CTNNA2: variants seen among roughly 807,000 people sequenced by gnomAD.
CTNNA2 encodes catenin alpha-2.
In CTNNA2, 42 loss-of-function variants were observed where a neutral mutation model predicts 101.0. The observed-to-expected ratio is 0.42, with a 90% CI of 0.32 to 0.54. The LOEUF is 0.54. Ranked by LOEUF, CTNNA2 falls within the 20% of genes least tolerant of loss-of-function variation. CTNNA2 has a pLI of 0.14. For synonymous variants in CTNNA2, 450 were observed against 456.4 expected, an observed-to-expected ratio of 0.99 and a Z score of 0.18; for missense variants, 871 against 1,223.1, an observed-to-expected ratio of 0.71 and a Z score of 4.29.
chr2:79,609,152 C>T (rs1156479340), intron 1 of CTNNA2, among the ~76,000 whole-genome samples: 1 of 151,634 alleles, frequency 6.6e-6, no homozygotes, highest in Non-Finnish European at 1.5e-5. Flanking sequence ...AATCTGTACA[C>T]CAAAAATTAT....
chr2:80,063,068 C>T (rs1046267743), intron 7 of CTNNA2, among the ~76,000 whole-genome samples: 1 of 152,222 alleles, frequency 6.6e-6, no homozygotes, highest in Admixed American at 6.5e-5. Context: ...TAAACTTCTT[C>T]AAGTAAGCTG....
intron 7 of CTNNA2, among the ~76,000 whole-genome samples, chr2:80,153,280 A>G (rs553531652): frequency 4.6e-5 from 7 of 152,308 alleles, no homozygotes; most frequent in African/African-American, 1.7e-4. Flanking sequence ...TCCTGGGAGC[A>G]GCCTATGGTC....
intron 2 of CTNNA2, among the ~76,000 whole-genome samples, chr2:79,235,369 C>G (rs996596228): frequency 6.6e-6 from 1 of 152,124 alleles, no homozygotes; most frequent in Non-Finnish European, 1.5e-5. Flanking sequence ...TAGGCTCTTA[C>G]TCTGCTGCAT....
intron 9 of CTNNA2, among the ~76,000 whole-genome samples, chr2:80,526,659 T>C (rs749824794): frequency 6.6e-6 from 1 of 152,122 alleles, no homozygotes; most frequent in Non-Finnish European, 1.5e-5. Context: ...TTCTCATCTA[T>C]AAAATGGGAA....
intron 2 of CTNNA2, among the ~76,000 whole-genome samples, chr2:79,210,473 A>G (rs1049160910): frequency 4.6e-5 from 7 of 152,038 alleles, no homozygotes; most frequent in Non-Finnish European, 8.8e-5. Flanking sequence ...ACACAAACAC[A>G]CCCACACACA....
chr2:79,781,848 C>G (rs1674452768), intron 3 of CTNNA2, among the ~76,000 whole-genome samples: 1 of 152,150 alleles, frequency 6.6e-6, no homozygotes, highest in African/African-American at 2.4e-5. Context: ...ATACATTTCT[C>G]AAATTATGAG....
At chr2:79,672,166 A>G (rs953523087) in intron 2 of CTNNA2, among the ~76,000 whole-genome samples, 2 of 152,226 alleles carry the variant, frequency 1.3e-5, no homozygotes, top group African/African-American at 4.8e-5. Flanking sequence ...AGTCAAGATG[A>G]CATTACTTGA....
chr2:80,252,671 T>C (rs903271122), intron 7 of CTNNA2, among the ~76,000 whole-genome samples: 2 of 152,158 alleles, frequency 1.3e-5, no homozygotes, highest in African/African-American at 2.4e-5. Flanking sequence ...AGATGGAAAA[T>C]AAATTGCCCT....
At chr2:79,340,022 C>G (rs1677091934) in intron 3 of CTNNA2, 1 of 152,158 alleles carries the variant, frequency 6.6e-6, no homozygotes, top group Admixed American at 6.5e-5. Context: ...GTGCGCAATT[C>G]TGGACATTAC....
intron 5 of CTNNA2, among the ~76,000 whole-genome samples, chr2:79,872,626 G>A (rs1682678686): frequency 6.6e-6 from 1 of 152,050 alleles, no homozygotes; most frequent in Non-Finnish European, 1.5e-5. Context: ...TTAAGCAAAG[G>A]GGGAAAAAGA....
intron 6 of CTNNA2, among the ~76,000 whole-genome samples, chr2:79,892,542 G>A (rs929952592): frequency 6.6e-6 from 1 of 152,084 alleles, no homozygotes; most frequent in African/African-American, 2.4e-5. Context: ...ATAATAGAAT[G>A]TGATTTCCAA....
chr2:80,533,342 G>T (rs1162678111), intron 9 of CTNNA2, among the ~76,000 whole-genome samples: 1 of 152,146 alleles, frequency 6.6e-6, no homozygotes, highest in Non-Finnish European at 1.5e-5. Flanking sequence ...GCAAAAAAAA[G>T]AAGGCAATGT....
intron 1 of CTNNA2, chr2:79,548,248 C>G (rs1265371927): frequency 6.6e-6 from 1 of 152,186 alleles, no homozygotes; most frequent in Non-Finnish European, 1.5e-5. Context: ...TACTAATGAG[C>G]ATGAAAGATA....
chr2:79,750,432 G>A (rs1671943535), intron 3 of CTNNA2, among the ~76,000 whole-genome samples: 1 of 152,114 alleles, frequency 6.6e-6, no homozygotes, highest in East Asian at 1.9e-4. Context: ...GAGAAGAAGT[G>A]GACTAATCCC....
At chr2:79,898,382 G>A (rs770632782) in intron 6 of CTNNA2, among the ~76,000 whole-genome samples, 17 of 151,932 alleles carry the variant, frequency 1.1e-4, no homozygotes, top group Admixed American at 2.0e-4. Flanking sequence ...TGATCCACCC[G>A]CTTTGGACTC....
intron 15 of CTNNA2, among the ~76,000 whole-genome samples, chr2:80,594,572 T>C (rs1428859314): frequency 1.3e-5 from 2 of 152,066 alleles, no homozygotes; most frequent in African/African-American, 4.8e-5. Context: ...TGCAAGAAAT[T>C]ATTACCAAAT....
intron 3 of CTNNA2, among the ~76,000 whole-genome samples, chr2:79,753,618 G>A (rs1672191971): frequency 6.6e-6 from 1 of 152,118 alleles, no homozygotes; most frequent in Non-Finnish European, 1.5e-5. Context: ...ATGCCACCAA[G>A]GTGTATTTGG....
intron 2 of CTNNA2, among the ~76,000 whole-genome samples, chr2:79,220,610 T>C (rs567235258): frequency 2.0e-4 from 30 of 152,216 alleles, no homozygotes; most frequent in East Asian, 1.7e-3. Context: ...AGTAAGCAGA[T>C]GGGCATTGTA....
At chr2:79,317,899 G>T (rs1231125692) in intron 3 of CTNNA2, among the ~76,000 whole-genome samples, 1 of 152,024 alleles carries the variant, frequency 6.6e-6, no homozygotes, top group Admixed American at 6.6e-5. Flanking sequence ...TTTAACAGAT[G>T]AAATTTGTTA....
Sources: gnomAD v4.1 joint callset for allele counts (sites outside exome capture counted in the v4.1 genomes callset) on GRCh38, gnomAD v4.1.1 for gene constraint, MANE v1.5 for transcripts, NCBI Gene and HGNC (gene_info 2026-07-23, HGNC 2026-07-21) for gene names.